Variants in MRC1 observed in about 807,000 individuals in gnomAD.
The protein encoded by MRC1 is macrophage mannose receptor 1.
In MRC1, 62 loss-of-function variants were observed where a neutral mutation model predicts 102.9. That is an observed-to-expected ratio of 0.60 (90% confidence interval 0.49 to 0.74). The LOEUF (loss-of-function observed/expected upper bound fraction) is 0.74. MRC1 is among the 30% of genes least tolerant of loss of function. The pLI is 0.00. For synonymous variants in MRC1, 457 were observed against 298.4 expected (o/e 1.53, Z -5.48); for missense variants, 1,237 against 862.8 (o/e 1.43, Z -5.43).
intron 11 of MRC1, chr10:17,865,273 A>G (rs1277602000): frequency 6.6e-6 from 1 of 152,230 alleles, no homozygotes; most frequent in Non-Finnish European, 1.5e-5. Context: ...TAACCTAAAT[A>G]GTGTGATTTT....
chr10:17,896,104 A>G (rs1173985374), intron 23 of MRC1, among the ~76,000 whole-genome samples: 1 of 152,172 alleles, frequency 6.6e-6, no homozygotes, highest in Non-Finnish European at 1.5e-5. Flanking sequence ...GAAATTTAAA[A>G]ATAGATTAGA....
At chr10:17,815,429 G>A (rs900053805) in intron 1 of MRC1, among the ~76,000 whole-genome samples, 1 of 152,198 alleles carries the variant, frequency 6.6e-6, no homozygotes, top group Non-Finnish European at 1.5e-5. Flanking sequence ...TCTTAAGGGG[G>A]ATCTGGGGAG....
chr10:17,885,381 A>C lies in MRC1; in HGVS notation c.3093A>C (p.Thr1031=). 1.3e-6 allele frequency: 1 copy of C among 780,836 alleles called. No homozygotes were observed. The highest frequency in any genetic ancestry group is 2.4e-6 in the Non-Finnish European group (1 of 417,960). 48.4% of individuals were successfully genotyped at this position (780,836 alleles called of 1,614,324 possible). A position where few individuals can be genotyped will look rare whatever the true frequency, so the allele number is the denominator to read the frequency against. ...LWTDGRGVHY[T]NWGKGYPGGR... Reference sequence around the variant, plus strand: ...CGGATGGACGAGGAGTCCATTACACAAACTGGGGGAAAGGTTACCCTGGTG... The same window carrying C: ...CGGATGGACGAGGAGTCCATTACACCAACTGGGGGAAAGGTTACCCTGGTG... The change falls in exon 22 of 30, where the codon ACA becomes ACC. Residue 1031 remains threonine (T), a synonymous_variant. Transcript: ENST00000569591.
At chr10:17,865,258 A>T (rs948487542) in intron 11 of MRC1, among the ~76,000 whole-genome samples, 1 of 152,228 alleles carries the variant, frequency 6.6e-6, no homozygotes, top group Non-Finnish European at 1.5e-5. Flanking sequence ...AGGGAAATAG[A>T]TCAGTAACCT....
At chr10:17,880,170 T>C (rs1833494321) in intron 19 of MRC1, among the ~76,000 whole-genome samples, 1 of 152,178 alleles carries the variant, frequency 6.6e-6, no homozygotes, top group East Asian at 1.9e-4. Context: ...AATCTATCAA[T>C]TGTTGAGAAG....
At chr10:17,814,225 T>G (rs1252044820) in intron 1 of MRC1, among the ~76,000 whole-genome samples, 6 of 152,180 alleles carry the variant, frequency 3.9e-5, no homozygotes, top group Non-Finnish European at 5.9e-5. Flanking sequence ...TTATGATCTT[T>G]AGACTCTGAG....
At chr10:17,856,373 G>C (rs1833092892) in intron 9 of MRC1, 21 bp downstream of exon 9, 4 of 832,392 alleles carry the variant, frequency 4.8e-6, no homozygotes, top group Non-Finnish European at 6.2e-6. Context: ...CATGCCCACA[G>C]TGACTTAAGC....
At chr10:17,843,300 A>G (rs1838777631) in intron 5 of MRC1, among the ~76,000 whole-genome samples, 1 of 152,230 alleles carries the variant, frequency 6.6e-6, no homozygotes, top group Non-Finnish European at 1.5e-5. Context: ...TTTTAGTTAC[A>G]GTATCAGCAA....
rs1357759960 is a variant in MRC1 at position 17,870,336 on chromosome 10, A to C, written c.2074A>C (p.Asn692His). Residue 692 changes from asparagine (N) to histidine (H), a missense_variant, in exon 13 of 30, where the codon AAC (asparagine) becomes CAC (histidine). Physicochemically the swap from Asn to His is moderately conservative, Grantham distance 68. Coordinates refer to ENST00000569591, the MANE Select transcript of MRC1 (RefSeq NM_002438.4). ...GGGTGGAGACTTAGCTAGCATCAATAACAAAGAGGAACAGCAAACAATATG... is the reference window on the plus strand; with the variant it reads ...GGGTGGAGACTTAGCTAGCATCAATCACAAAGAGGAACAGCAAACAATATG... ...ALGGDLASIN[N>H]KEEQQTIWRL... 16 of 780,400 alleles carry C rather than the reference A, an allele frequency of 2.1e-5. No individual in the cohort carries two copies. Among genetic ancestry groups the C allele is most frequent in the Non-Finnish European group, 3.8e-5 (16 of 417,718 alleles). 48.3% of individuals were successfully genotyped at this position (780,400 alleles called of 1,614,324 possible).
chr10:17,874,388 A>G (rs947796551), intron 16 of MRC1, among the ~76,000 whole-genome samples: 43 of 151,942 alleles, frequency 2.8e-4, no homozygotes, highest in African/African-American at 1.0e-3. Context: ...TTGTAGTCAA[A>G]TCTCCCTCCG....
rs1384585688 is a variant in MRC1, at chr10:17,880,631, A to T, written c.2826A>T (p.Pro942=). The change falls in exon 20 of 30, where the codon CCA becomes CCT. Residue 942 remains proline, a synonymous_variant. Coordinates refer to ENST00000569591, the MANE Select transcript of MRC1 (RefSeq NM_002438.4). ...TTVMPTMPSV[P]SGCKEGWNFY... ...TTATGCCTACCATGCCCTCGGTCCC[A>T]TCAGGGTGCAAGGAAGGTTGGAATT... The T allele has an allele frequency of 1.3e-6, 1 of 780,844 alleles. No individual in the cohort carries two copies. Among genetic ancestry groups the T allele is most frequent in the Admixed American group, 1.7e-5 (1 of 59,028 alleles). 48.4% of individuals were successfully genotyped at this position (780,844 alleles called of 1,614,324 possible).
chr10:17,910,554 A>G lies in MRC1; in HGVS notation c.*89A>G, dbSNP rs1833955505. 4 of 778,156 alleles carry G rather than the reference A, an allele frequency of 5.1e-6. No individual in the cohort carries two copies. Among genetic ancestry groups the G allele is most frequent in the Admixed American group, 1.7e-5 (1 of 58,808 alleles). 48.2% of individuals were successfully genotyped at this position (778,156 alleles called of 1,614,324 possible). On this transcript the variant is annotated 3_prime_UTR_variant, in exon 30 of 30. Coordinates refer to ENST00000569591, the MANE Select transcript of MRC1 (RefSeq NM_002438.4). ...AGTTCAATGTGATTGTTTTCTTTAA[A>G]ATGAGTACTGAATTGTACTGGTCTG...
intron 14 of MRC1, among the ~76,000 whole-genome samples, chr10:17,871,236 G>A (rs1452320647): frequency 5.9e-5 from 9 of 152,146 alleles, no homozygotes; most frequent in African/African-American, 1.9e-4. Flanking sequence ...ATATTTAGAA[G>A]CCCTAGTCGT....
intron 20 of MRC1, 23 bp from the exon 21 acceptor site, chr10:17,881,044 T>C: frequency 1.3e-6 from 1 of 780,288 alleles, no homozygotes; most frequent in South Asian, 1.3e-5. Flanking sequence ...TTTCTTTTTT[T>C]CTCTGCCCCT....
intron 14 of MRC1, among the ~76,000 whole-genome samples, chr10:17,871,423 G>T (rs1453605050): frequency 6.6e-6 from 1 of 152,138 alleles, no homozygotes; most frequent in Non-Finnish European, 1.5e-5. Context: ...AACCCCGTGG[G>T]TTATGATTCC....
intron 9 of MRC1, among the ~76,000 whole-genome samples, chr10:17,861,152 A>G (rs1433200354): frequency 2.0e-5 from 3 of 152,326 alleles, no homozygotes; most frequent in East Asian, 1.9e-4. Context: ...TCTACTAAAA[A>G]GACAGAAAAA....
chr10:17,851,614 A>C (rs1189751810), intron 7 of MRC1, among the ~76,000 whole-genome samples: 1 of 152,236 alleles, frequency 6.6e-6, no homozygotes, highest in East Asian at 1.9e-4. Flanking sequence ...TTTAGTGAGA[A>C]ATATGTATAT....
intron 21 of MRC1, among the ~76,000 whole-genome samples, chr10:17,883,189 G>A (rs1833542483): frequency 1.3e-5 from 2 of 152,286 alleles, no homozygotes; most frequent in South Asian, 2.1e-4. Flanking sequence ...GAGCATTGAT[G>A]TGATTATAGC....
chr10:17,825,284 G>A (rs983495407), intron 2 of MRC1, among the ~76,000 whole-genome samples: 2,315 of 152,244 alleles, frequency 0.015, 26 homozygotes, highest in Middle Eastern at 0.051. Flanking sequence ...AATGGAACCA[G>A]AATTGTAGAC....
Sources: gnomAD v4.1 joint callset for allele counts (sites outside exome capture counted in the v4.1 genomes callset) on GRCh38, gnomAD v4.1.1 for gene constraint, MANE v1.5 for transcripts, NCBI Gene and HGNC (gene_info 2026-07-23, HGNC 2026-07-21) for gene names.